The following SND1 variants were observed in gnomAD, a reference collection of about 807,000 sequenced individuals.
SND1 encodes staphylococcal nuclease domain-containing protein 1.
SND1 carries 38 observed loss-of-function variants against 121.7 expected under a neutral mutation model. That is an observed-to-expected ratio of 0.31 (90% CI 0.24 to 0.41). The LOEUF is 0.41. Among genes scored for constraint, SND1 ranks in the 10% least tolerant of loss-of-function variants. The pLI is 1.00. For missense variants in SND1, 868 were observed against 1,184.6 expected (o/e 0.73, Z 3.92); for synonymous variants, 401 against 447.4 (o/e 0.90, Z 1.31).
chr7:127,893,288 T>C lies in SND1; in HGVS notation c.1454+5276T>C, dbSNP rs115965407. ...CTTTTGTTGAGCATGTTATGGACAC[T>C]GAATACAAGTTGGTAATGTTTAGAG... On this transcript the variant is annotated intron_variant, in intron 13 of 23. Transcript: ENST00000354725. 5.1e-3 allele frequency among the ~76,000 whole-genome samples: 775 copies of C among 152,248 alleles called. 15 individuals carry two copies. The highest frequency in any genetic ancestry group is 0.018 in the African/African-American group (742 of 41,572).
intron 9 of SND1, among the ~76,000 whole-genome samples, chr7:127,708,119 G>T (rs1227070066): frequency 6.6e-6 from 1 of 152,060 alleles, no homozygotes; most frequent in African/African-American, 2.4e-5. Context: ...TTAATTAAAT[G>T]AGATATTCAA....
chr7:128,039,855 A>G (rs1161711833), intron 16 of SND1, among the ~76,000 whole-genome samples: 1 of 152,222 alleles, frequency 6.6e-6, no homozygotes, highest in African/African-American at 2.4e-5. Context: ...ATGTTAGGAC[A>G]ATCACCACTA....
At chr7:128,079,151 A>T (rs2117056607) in intron 17 of SND1, among the ~76,000 whole-genome samples, 1 of 152,370 alleles carries the variant, frequency 6.6e-6, no homozygotes, top group Non-Finnish European at 1.5e-5. Context: ...TGACTGGCTA[A>T]GTAGATACCA....
At chr7:127,705,535 T>C (rs1045768617) in intron 8 of SND1, among the ~76,000 whole-genome samples, 1 of 152,136 alleles carries the variant, frequency 6.6e-6, no homozygotes, top group Non-Finnish European at 1.5e-5. Flanking sequence ...ATGTAGAAAT[T>C]CCAAATATTA....
At chr7:127,737,862 C>T (rs945011208) in intron 10 of SND1, among the ~76,000 whole-genome samples, 17 of 152,110 alleles carry the variant, frequency 1.1e-4, no homozygotes, top group Admixed American at 3.3e-4. Context: ...ACCTAGAGTC[C>T]GCATCTCAAA....
At chr7:127,739,025 G>A (rs1021385179) in intron 10 of SND1, among the ~76,000 whole-genome samples, 1 of 152,192 alleles carries the variant, frequency 6.6e-6, no homozygotes, top group African/African-American at 2.4e-5. Flanking sequence ...TTGTGCACAG[G>A]TGTGTAGCTT....
chr7:127,720,267 G>GT (rs1796468574), intron 9 of SND1, among the ~76,000 whole-genome samples: 1 of 152,188 alleles, frequency 6.6e-6, no homozygotes, highest in African/African-American at 2.4e-5. Flanking sequence ...AGCTGACCCT[G>GT]TAAGTTTGTT....
intron 12 of SND1, among the ~76,000 whole-genome samples, chr7:127,865,275 CCTT>C (rs1194852247): frequency 6.6e-6 from 1 of 152,222 alleles, no homozygotes; most frequent in Non-Finnish European, 1.5e-5. Flanking sequence ...GGACCTCTGT[CCTT>C]CTATCTATAA....
intron 10 of SND1, among the ~76,000 whole-genome samples, chr7:127,734,113 A>G (rs1012557159): frequency 6.6e-6 from 1 of 151,846 alleles, no homozygotes; most frequent in Non-Finnish European, 1.5e-5. Flanking sequence ...TGACAATGCA[A>G]TTTTTCTTTT....
chr7:127,945,162 A>C (rs1801300015), intron 15 of SND1, among the ~76,000 whole-genome samples: 1 of 152,188 alleles, frequency 6.6e-6, no homozygotes, highest in African/African-American at 2.4e-5. Context: ...TAAATGAATG[A>C]GCACTGATGT....
chr7:127,835,427 G>A (rs993692044), intron 11 of SND1, among the ~76,000 whole-genome samples: 11 of 152,000 alleles, frequency 7.2e-5, no homozygotes, highest in Non-Finnish European at 1.5e-4. Context: ...TGTGATTGAC[G>A]CTTGTATAAT....
chr7:127,945,275 G>A (rs1159942689), intron 15 of SND1, among the ~76,000 whole-genome samples: 2 of 152,242 alleles, frequency 1.3e-5, no homozygotes, highest in East Asian at 1.9e-4. Context: ...GGCGGATCAC[G>A]AGGTCAGGAG....
intron 16 of SND1, among the ~76,000 whole-genome samples, chr7:128,017,438 G>A (rs942845714): frequency 6.6e-6 from 1 of 152,214 alleles, no homozygotes; most frequent in African/African-American, 2.4e-5. Flanking sequence ...TCCCAGTACA[G>A]GGCCACCTCT....
intron 11 of SND1, among the ~76,000 whole-genome samples, chr7:127,821,616 A>AAAATT: frequency 6.6e-6 from 1 of 152,076 alleles, no homozygotes; most frequent in South Asian, 2.1e-4. Flanking sequence ...TTTTAAATTT[A>AAAATT]GTTTTTAAAC....
chr7:127,977,119 C>T (rs987351078), intron 15 of SND1, among the ~76,000 whole-genome samples: 1 of 152,180 alleles, frequency 6.6e-6, no homozygotes, highest in Non-Finnish European at 1.5e-5. Flanking sequence ...CGAACGCTTC[C>T]GGAGTCGGCT....
chr7:127,725,832 G>A (rs1370505499), intron 10 of SND1, among the ~76,000 whole-genome samples: 1 of 152,128 alleles, frequency 6.6e-6, no homozygotes, highest in Non-Finnish European at 1.5e-5. Flanking sequence ...GCTTCCTCAA[G>A]GACAGGCAGA....
At chr7:127,924,807 A>T (rs1800797217) in intron 14 of SND1, among the ~76,000 whole-genome samples, 1 of 152,224 alleles carries the variant, frequency 6.6e-6, no homozygotes. Flanking sequence ...CTTTATAGAG[A>T]TAAGTTCCAA....
intron 10 of SND1, among the ~76,000 whole-genome samples, chr7:127,742,583 C>T (rs1796901936): frequency 7.0e-6 from 1 of 141,956 alleles, no homozygotes; most frequent in Non-Finnish European, 1.5e-5. Context: ...AAGATATGGG[C>T]GGGTGGGTAG....
Position 127,946,949 on chromosome 7 carries a change from C to G in SND1, c.1669+17620C>G, listed in dbSNP as rs115259563. Among the ~76,000 whole-genome samples, 361 of 152,020 alleles carry G rather than the reference C, an allele frequency of 2.4e-3. 4 individuals are homozygous for G. Among genetic ancestry groups the G allele is most frequent in the Middle Eastern group, 0.01 (3 of 294 alleles). On this transcript the variant is annotated intron_variant, in intron 15 of 23. Transcript: ENST00000354725. The stretch of plus-strand genomic sequence containing the variant: ...ATTTTGGTCAGATTGCTTCTCACAT[C>G]CATAAGAACAGAAAATAATGTTTTT...
Sources: gnomAD v4.1 joint callset for allele counts (sites outside exome capture counted in the v4.1 genomes callset) on GRCh38, gnomAD v4.1.1 for gene constraint, MANE v1.5 for transcripts, NCBI Gene and HGNC (gene_info 2026-07-23, HGNC 2026-07-21) for gene names.